The following PPP1R1C variants were observed in gnomAD, a reference collection of about 807,000 sequenced individuals.
PPP1R1C encodes the protein protein phosphatase 1 regulatory inhibitor subunit 1C.
In PPP1R1C, 15 loss-of-function variants were observed where a neutral mutation model predicts 17.4. The observed-to-expected ratio is 0.86, with a 90% CI of 0.58 to 1.33. The LOEUF is 1.33. Ranked by LOEUF, PPP1R1C falls within the 40% of genes most tolerant of loss-of-function variation. PPP1R1C has a pLI of 0.00. For synonymous variants in PPP1R1C, 35 were observed against 43.1 expected (o/e 0.81, Z 0.73); for missense variants, 143 against 130.0 (o/e 1.10, Z -0.48).
intron 2 of PPP1R1C, among the ~76,000 whole-genome samples, chr2:182,045,619 A>T (rs2674604): frequency 0.085 from 12,973 of 152,100 alleles, 1,353 homozygotes; most frequent in African/African-American, 0.21. Context: ...TGTTATACAG[A>T]GTTCTAGTTA....
intron 4 of PPP1R1C, among the ~76,000 whole-genome samples, chr2:182,091,675 G>T (rs996954544): frequency 1.3e-5 from 2 of 152,088 alleles, no homozygotes; most frequent in Non-Finnish European, 2.9e-5. Context: ...GATGTGTATG[G>T]ACATCCCACC....
chr2:182,008,815 C>A (rs1686004851), intron 2 of PPP1R1C, among the ~76,000 whole-genome samples: 1 of 152,130 alleles, frequency 6.6e-6, no homozygotes, highest in Non-Finnish European at 1.5e-5. Flanking sequence ...CTCTGGTAAC[C>A]ATCATTCTAC....
chr2:181,978,094 C>T (rs1685125875), intron 2 of PPP1R1C, among the ~76,000 whole-genome samples: 1 of 152,286 alleles, frequency 6.6e-6, no homozygotes, highest in Middle Eastern at 3.4e-3. Context: ...TATATGGCGG[C>T]AGGCAAGGGG....
chr2:182,122,893 C>G (rs1689767865), intron 5 of PPP1R1C, among the ~76,000 whole-genome samples: 1 of 151,942 alleles, frequency 6.6e-6, no homozygotes, highest in African/African-American at 2.4e-5. Context: ...TCTGGGATAC[C>G]TGTGCAGAAC....
chr2:182,097,792 C>T (rs529569854), intron 4 of PPP1R1C, among the ~76,000 whole-genome samples: 6 of 152,310 alleles, frequency 3.9e-5, no homozygotes, highest in Non-Finnish European at 5.9e-5. Context: ...TCTTCCTGCT[C>T]TCTCAGTAAA....
At chr2:182,044,694 TAG>T (rs745851252) in intron 2 of PPP1R1C, among the ~76,000 whole-genome samples, 7 of 152,212 alleles carry the variant, frequency 4.6e-5, no homozygotes, top group Non-Finnish European at 8.8e-5. Context: ...TCTTTTTCAA[TAG>T]AGTTTAAACT....
At chr2:182,002,926 A>ACCCCCCCCCCC (rs769073058) in intron 2 of PPP1R1C, among the ~76,000 whole-genome samples, 1 of 78,764 alleles carries the variant, frequency 1.3e-5, no homozygotes, top group Non-Finnish European at 2.8e-5. Flanking sequence ...TGATGCCATA[A>ACCCCCCCCCCC]ACCTCCCCCC....
At chr2:182,082,188 C>A (rs1007550242) in intron 4 of PPP1R1C, among the ~76,000 whole-genome samples, 22 of 152,038 alleles carry the variant, frequency 1.4e-4, no homozygotes, top group African/African-American at 5.1e-4. Flanking sequence ...TCTCACTTCA[C>A]CCATGCAAAG....
chr2:182,069,736 A>G (rs1688088681), intron 4 of PPP1R1C, among the ~76,000 whole-genome samples: 1 of 152,194 alleles, frequency 6.6e-6, no homozygotes, highest in African/African-American at 2.4e-5. Context: ...AAATTAATTA[A>G]TCTTTTAAAT....
At position 181,987,827 on chromosome 2, in the gene PPP1R1C, T is replaced by C. The variant is rs376808125; in HGVS notation, c.82-12T>C. The C allele has an allele frequency of 2.5e-6, 4 of 1,613,258 alleles. No homozygotes were observed. In the African/African-American group the frequency reaches 4.0e-5, roughly 16 times the overall value. On this transcript the variant is annotated splice_polypyrimidine_tract_variant and intron_variant, in intron 1 of 4. Transcript: ENST00000682840. ...TACTCACTGATATTAGCTGGGCTTT[T>C]GTCGTTCACAGATCAGGAAAAGAAG...
chr2:182,034,511 G>A (rs1257590319), intron 2 of PPP1R1C, among the ~76,000 whole-genome samples: 1 of 152,054 alleles, frequency 6.6e-6, no homozygotes, highest in Non-Finnish European at 1.5e-5. Flanking sequence ...CAGAGAGGTG[G>A]CAGAAAAAGC....
intron 4 of PPP1R1C, among the ~76,000 whole-genome samples, chr2:182,082,756 C>G (rs1454515400): frequency 6.6e-6 from 1 of 152,282 alleles, no homozygotes; most frequent in South Asian, 2.1e-4. Context: ...CTCTGATCAA[C>G]TATAACATAC....
At chr2:182,125,291 T>C (rs889583177) in intron 5 of PPP1R1C, among the ~76,000 whole-genome samples, 17 of 152,156 alleles carry the variant, frequency 1.1e-4, no homozygotes, top group African/African-American at 2.4e-4. Flanking sequence ...TGCTGCTGGA[T>C]TCGGTTTGGC....
intron 2 of PPP1R1C, among the ~76,000 whole-genome samples, chr2:181,995,512 G>T (rs771507148): frequency 6.6e-6 from 1 of 152,176 alleles, no homozygotes; most frequent in Non-Finnish European, 1.5e-5. Context: ...TCTAGTCTGA[G>T]TCCATTGAAT....
intron 1 of PPP1R1C, chr2:181,954,767 G>T (rs1684643642): frequency 6.6e-6 from 1 of 152,126 alleles, no homozygotes; most frequent in African/African-American, 2.4e-5. Flanking sequence ...CATTTTACTG[G>T]TTATGAACTC....
intron 2 of PPP1R1C, among the ~76,000 whole-genome samples, chr2:182,022,690 T>A (rs370696076): frequency 1.3e-5 from 2 of 152,356 alleles, no homozygotes; most frequent in South Asian, 2.1e-4. Flanking sequence ...TATTAACCAC[T>A]ACTGTAGAAT....
At chr2:181,973,667 T>C (rs948781112) in intron 1 of PPP1R1C, among the ~76,000 whole-genome samples, 4 of 152,184 alleles carry the variant, frequency 2.6e-5, no homozygotes, top group African/African-American at 9.7e-5. Flanking sequence ...GAAAAGGGAC[T>C]TTTGGCAAAG....
chr2:182,105,141 T>C (rs1689206766), intron 4 of PPP1R1C, among the ~76,000 whole-genome samples: 1 of 152,188 alleles, frequency 6.6e-6, no homozygotes, highest in Non-Finnish European at 1.5e-5. Flanking sequence ...GATTCAAATA[T>C]ATTAGTAGAT....
In PPP1R1C at chr2:181,961,281, G is replaced by A; in HGVS notation, n.111+6647G>A. 1.3e-6 allele frequency: 1 copy of A among 747,762 alleles called. No individual in the cohort carries two copies. Among genetic ancestry groups the A allele is most frequent in the South Asian group, 1.4e-5 (1 of 70,988 alleles). The allele number at this position is 747,762 out of a possible 1,614,324, so 46.3% of individuals were successfully genotyped here. ...GTGGTGGTCTTTGGATGGTTTGCATGGAGTTGCTGTTGTCCAGGGCATCAC... is the reference window on the plus strand; with the variant it reads ...GTGGTGGTCTTTGGATGGTTTGCATAGAGTTGCTGTTGTCCAGGGCATCAC... On this transcript the variant is annotated intron_variant and non_coding_transcript_variant, in intron 1 of 5. Coordinates refer to the PPP1R1C transcript ENST00000464264. This position sits in a 1 kb window ranked among gnomAD's most constrained non-coding sequence, Gnocchi z 5.8.
Sources: allele counts gnomAD v4.1 joint callset (sites outside exome capture counted in the v4.1 genomes callset), GRCh38; gene constraint gnomAD v4.1.1; non-coding constraint Gnocchi (gnomAD v3.1); transcripts MANE v1.5; gene names NCBI Gene and HGNC (gene_info 2026-07-23, HGNC 2026-07-21).